Variants in FAT4 observed in about 807,000 individuals in gnomAD.
The protein encoded by FAT4 is protocadherin Fat 4.
FAT4 carries 84 observed loss-of-function variants against 303.9 expected under a neutral mutation model. That is an observed-to-expected ratio of 0.28 (90% CI 0.23 to 0.33). The LOEUF (loss-of-function observed/expected upper bound fraction) is 0.33. FAT4 is among the 10% of genes least tolerant of loss of function. The pLI, the probability that FAT4 is intolerant of heterozygous loss-of-function variation, is 1.00. For synonymous variants in FAT4, 2,307 were observed against 2,298.8 expected (o/e 1.00, Z -0.10); for missense variants, 6,005 against 6,146.8 (o/e 0.98, Z 0.77).
At chr4:125,327,598 T>TATTGATGGCTA (rs1434798576) in intron 2 of FAT4, among the ~76,000 whole-genome samples, 1 of 152,206 alleles carries the variant, frequency 6.6e-6, no homozygotes, top group African/African-American at 2.4e-5. Context: ...CAAACAGGAT[T>TATTGATGGCTA]ATTGATGGCT....
chr4:125,481,615 A>G lies in FAT4; in HGVS notation c.12699A>G (p.Gln4233=). 1 of 1,614,078 alleles carries G rather than the reference A, an allele frequency of 6.2e-7. No homozygotes were observed. Among genetic ancestry groups the G allele is most frequent in the Non-Finnish European group, 8.5e-7 (1 of 1,179,958 alleles). ...AGAAGCGGGAATATTTGTTAAGGCA[A>G]AGCTTACGAGGTGCCATGTTGGAGC... is the stretch of plus-strand genomic sequence containing the variant. The part of the protein sequence containing the change: ...QNEKREYLLR[Q]SLRGAMLEPF... Residue 4233 remains glutamine (Q), a synonymous_variant, in exon 16 of 18, where the codon CAA becomes CAG. Transcript: ENST00000394329.
rs199501989 is a variant in FAT4 at position 125,415,579 on chromosome 4, T to A, written c.6616T>A (p.Ser2206Thr). Residue 2206 changes from serine (S) to threonine (T), a missense_variant, in exon 6 of 18, where the codon TCT becomes ACT. Transcript: ENST00000394329. ...TACCAATCAGGAATTTCGGATAGAC[T>A]CTGTCACAGGTGCCATCACTGTCGC... ...GNTNQEFRID[S>T]VTGAITVAKP... The A allele has an allele frequency of 1.1e-5, 17 of 1,614,060 alleles. No individual in the cohort carries two copies. Among genetic ancestry groups the A allele is most frequent in the Non-Finnish European group, 1.4e-5 (17 of 1,179,984 alleles).
chr4:125,429,096 C>A (rs1199835669), intron 7 of FAT4, among the ~76,000 whole-genome samples: 1 of 152,110 alleles, frequency 6.6e-6, no homozygotes, highest in Non-Finnish European at 1.5e-5. Flanking sequence ...TTAATTGGGA[C>A]CTTCTGTTTC....
intron 2 of FAT4, among the ~76,000 whole-genome samples, chr4:125,356,549 G>GTTTTTTT (rs57855830): frequency 2.5e-4 from 33 of 131,390 alleles, no homozygotes; most frequent in East Asian, 1.1e-3. Context: ...TTTGTTTTTT[G>GTTTTTTT]TTTTTTTTTT....
At chr4:125,363,650 C>T (rs1732755925) in intron 2 of FAT4, among the ~76,000 whole-genome samples, 2 of 151,932 alleles carry the variant, frequency 1.3e-5, no homozygotes, top group African/African-American at 4.8e-5. Context: ...CGCATGCCAC[C>T]ACTCCTGGCT....
At chr4:125,427,710 T>C (rs557964181) in intron 7 of FAT4, among the ~76,000 whole-genome samples, 97 of 152,300 alleles carry the variant, frequency 6.4e-4, no homozygotes, top group Non-Finnish European at 1.1e-3. Context: ...AAGAAGCTAA[T>C]ACTTTATTAC....
chr4:125,431,458 AG>A (rs1462714380), intron 7 of FAT4, among the ~76,000 whole-genome samples: 1 of 152,174 alleles, frequency 6.6e-6, no homozygotes, highest in Non-Finnish European at 1.5e-5. Flanking sequence ...AGGTTTGGGG[AG>A]GGGGCAGAAT....
At position 125,477,341 on chromosome 4, in the gene FAT4, C is replaced by A; in HGVS notation, c.12479+7C>A. The A allele has an allele frequency of 1.3e-6, 2 of 1,542,154 alleles. No homozygotes were observed. The highest frequency in any genetic ancestry group is 1.2e-5 in the South Asian group (1 of 80,972). Reference sequence around the variant, plus strand: ...CACAAGGCATCCTAGATCAGTATGGCGATTTTATTTCTTACTGTTTTAAAG... The same window carrying A: ...CACAAGGCATCCTAGATCAGTATGGAGATTTTATTTCTTACTGTTTTAAAG... On this transcript the variant is annotated splice_region_variant and intron_variant, in intron 14 of 17. Transcript: ENST00000394329.
At chr4:125,405,810 G>A (rs1340658841) in intron 3 of FAT4, among the ~76,000 whole-genome samples, 2 of 151,994 alleles carry the variant, frequency 1.3e-5, no homozygotes, top group Non-Finnish European at 1.5e-5. Context: ...CCACTTGTTG[G>A]CCATTTTTAT....
intron 2 of FAT4, among the ~76,000 whole-genome samples, chr4:125,395,192 A>T (rs1377263669): frequency 6.6e-6 from 1 of 152,200 alleles, no homozygotes; most frequent in Admixed American, 6.5e-5. Flanking sequence ...AACTTTGCCA[A>T]ACCATGCTGA....
In FAT4 at chr4:125,406,868, C is replaced by T. The variant is rs1330871134; in HGVS notation, c.5308-12C>T. The T allele has an allele frequency of 6.2e-7, 1 of 1,610,536 alleles. No homozygotes were observed. The highest frequency in any genetic ancestry group is 1.3e-5 in the African/African-American group (1 of 74,854). On this transcript the variant is annotated splice_polypyrimidine_tract_variant and intron_variant, in intron 3 of 17. Transcript: ENST00000394329. ...ACTTCCAATAGCTCAGATGCTTGGT[C>T]TCTTTTTTTAGGGTGCAAATGCTCT...
At chr4:125,423,916 T>G (rs2126035023) in intron 7 of FAT4, among the ~76,000 whole-genome samples, 1 of 152,374 alleles carries the variant, frequency 6.6e-6, no homozygotes, top group Non-Finnish European at 1.5e-5. Context: ...CCCCTTCATT[T>G]TGGCCAATTT....
intron 12 of FAT4, 47 bp from the exon 13 acceptor site, chr4:125,476,124 G>T: frequency 8.2e-7 from 1 of 1,225,980 alleles, no homozygotes; most frequent in Non-Finnish European, 1.2e-6. Context: ...AAGGCTAATA[G>T]GGACGGTAGA....
intron 8 of FAT4, among the ~76,000 whole-genome samples, chr4:125,439,744 T>G (rs1257847120): frequency 1.3e-5 from 2 of 152,166 alleles, no homozygotes; most frequent in African/African-American, 4.8e-5. Flanking sequence ...AAGTTCTCTC[T>G]CTTCCTTGAA....
chr4:125,458,508 TAAA>T (rs1726366864), intron 10 of FAT4, among the ~76,000 whole-genome samples: 1 of 151,936 alleles, frequency 6.6e-6, no homozygotes. Flanking sequence ...TTGTTTGAGA[TAAA>T]GAAGAGTGGC....
rs769755345 is a variant in FAT4 at position 125,407,084 on chromosome 4, A to G, written c.5512A>G (p.Thr1838Ala). 24 of 1,613,794 alleles carry G rather than the reference A, an allele frequency of 1.5e-5. No individual in the cohort carries two copies. The highest frequency in any genetic ancestry group is 2.2e-5 in the East Asian group (1 of 44,844). ...CACTGTCAGTGATGTGAATGACCATACACCCAAATTTTCCAGACCCGTGTA... is the reference window on the plus strand; with the variant it reads ...CACTGTCAGTGATGTGAATGACCATGCACCCAAATTTTCCAGACCCGTGTA... ...NITVSDVNDH[T>A]PKFSRPVYSF... Residue 1838 changes from threonine to alanine, a missense_variant, in exon 4 of 18, where the codon ACA becomes GCA. Thr to Ala is a moderately conservative substitution (Grantham distance 58). Transcript: ENST00000394329.
chr4:125,410,495 T>G (rs1321636183), intron 5 of FAT4, among the ~76,000 whole-genome samples: 1 of 152,174 alleles, frequency 6.6e-6, no homozygotes, highest in East Asian at 1.9e-4. Flanking sequence ...TTAGTCTACC[T>G]ATTCCATAGA....
At chr4:125,363,064 T>G (rs1297204882) in intron 2 of FAT4, 1 of 152,092 alleles carries the variant, frequency 6.6e-6, no homozygotes, top group Non-Finnish European at 1.5e-5. Flanking sequence ...AAAAAGAAGT[T>G]TTTCAAATAG....
chr4:125,477,681 C>A (rs553563469), intron 14 of FAT4, among the ~76,000 whole-genome samples: 1 of 151,834 alleles, frequency 6.6e-6, no homozygotes, highest in Non-Finnish European at 1.5e-5. Context: ...AGATGTTAGC[C>A]ATCATGGACA....
Sources: allele counts gnomAD v4.1 joint callset (sites outside exome capture counted in the v4.1 genomes callset), GRCh38; gene constraint gnomAD v4.1.1; transcripts MANE v1.5; gene names NCBI Gene and HGNC (gene_info 2026-07-23, HGNC 2026-07-21).